The following NEMP2 variants were observed in gnomAD, a reference collection of about 807,000 sequenced individuals.
The protein encoded by NEMP2 is nuclear envelope integral membrane protein 2, also known as UPF0571 transmembrane protein.
NEMP2 carries 53 observed loss-of-function variants against 54.2 expected under a neutral mutation model. The observed-to-expected ratio is 0.98, with a 90% CI of 0.78 to 1.23. The LOEUF is 1.23. NEMP2 is among the 50% of genes most tolerant of loss of function. The pLI is 0.00. For missense variants in NEMP2, 455 were observed against 511.3 expected (o/e 0.89, Z 1.06); for synonymous variants, 197 against 190.3 (o/e 1.04, Z -0.29).
the NEMP2 span, among the ~76,000 whole-genome samples, chr2:190,429,822 T>C: frequency 6.6e-6 from 1 of 152,198 alleles, no homozygotes; most frequent in Admixed American, 6.5e-5. Flanking sequence ...CAGATACATA[T>C]ATCTGTGTAT....
the NEMP2 span, among the ~76,000 whole-genome samples, chr2:190,555,277 C>G: frequency 1.3e-5 from 2 of 152,092 alleles, no homozygotes; most frequent in Non-Finnish European, 2.9e-5. The surrounding 1 kb of genome is among the most constrained non-coding windows in gnomAD (Gnocchi z 4.8). Flanking sequence ...CAAAGGATCA[C>G]AACTCCTTGC....
chr2:190,543,344 G>T, the NEMP2 span, among the ~76,000 whole-genome samples: 1 of 152,224 alleles, frequency 6.6e-6, no homozygotes, highest in Non-Finnish European at 1.5e-5. This position sits in a 1 kb window ranked among gnomAD's most constrained non-coding sequence, Gnocchi z 4.7. Context: ...AGGTGGGATG[G>T]TTGTCCTCTC....
At chr2:190,645,261 AACAG>A in the NEMP2 span, among the ~76,000 whole-genome samples, 5 of 152,202 alleles carry the variant, frequency 3.3e-5, no homozygotes, top group Non-Finnish European at 7.4e-5. Context: ...TAAATAAAAA[AACAG>A]AATTTGATAT....
chr2:190,520,305 C>T lies in NEMP2; in HGVS notation c.214-1122G>A, dbSNP rs2125325331. On this transcript the variant is annotated intron_variant, in intron 2 of 8. Transcript: ENST00000409150. The surrounding 1 kb of genome is among the most constrained non-coding windows in gnomAD (Gnocchi z 5.4). ...TTCTCTCACCATGCCTGCTAAAGGA[C>T]CAGATCCCAACCTCAGGTCCTATTC... Among the ~76,000 whole-genome samples the T allele has an allele frequency of 6.6e-6, 1 of 152,328 alleles. No homozygotes were observed.
chr2:190,592,672 T>C, the NEMP2 span, among the ~76,000 whole-genome samples: 17 of 152,180 alleles, frequency 1.1e-4, no homozygotes, highest in Admixed American at 2.6e-4. The surrounding 1 kb of genome is among the most constrained non-coding windows in gnomAD (Gnocchi z 4.4). Context: ...GTTGTGTATG[T>C]TACCCTCCAA....
the NEMP2 span, among the ~76,000 whole-genome samples, chr2:190,496,976 A>G: frequency 6.6e-6 from 1 of 152,180 alleles, no homozygotes; most frequent in Non-Finnish European, 1.5e-5. This position sits in a 1 kb window ranked among gnomAD's most constrained non-coding sequence, Gnocchi z 4.7. Context: ...TGCTTGGGTG[A>G]TGGTTGCACC....
chr2:190,584,627 C>G, the NEMP2 span, among the ~76,000 whole-genome samples: 1 of 152,058 alleles, frequency 6.6e-6, no homozygotes, highest in African/African-American at 2.4e-5. The surrounding 1 kb of genome is among the most constrained non-coding windows in gnomAD (Gnocchi z 4.2). Flanking sequence ...AATCCCAGCA[C>G]TTTGGGAGGC....
the NEMP2 span, among the ~76,000 whole-genome samples, chr2:190,547,361 C>T: frequency 1.3e-5 from 2 of 152,158 alleles, no homozygotes; most frequent in African/African-American, 4.8e-5. The surrounding 1 kb of genome is among the most constrained non-coding windows in gnomAD (Gnocchi z 6.2). Flanking sequence ...TTATTCTAAA[C>T]TTTGACAAAT....
the NEMP2 span, among the ~76,000 whole-genome samples, chr2:190,440,865 G>A: frequency 6.6e-6 from 1 of 152,222 alleles, no homozygotes; most frequent in Admixed American, 6.5e-5. Flanking sequence ...AATACCTGAT[G>A]CAGCTAGTAA....
the NEMP2 span, among the ~76,000 whole-genome samples, chr2:190,453,523 A>G: frequency 6.6e-6 from 1 of 152,244 alleles, no homozygotes; most frequent in South Asian, 2.1e-4. Context: ...TCAAAGAAGG[A>G]ACATGCCGTT....
the NEMP2 span, among the ~76,000 whole-genome samples, chr2:190,467,301 A>G: frequency 1.3e-5 from 2 of 152,186 alleles, no homozygotes; most frequent in African/African-American, 4.8e-5. The surrounding 1 kb of genome is among the most constrained non-coding windows in gnomAD (Gnocchi z 5.5). Flanking sequence ...AACAGTTACC[A>G]TGGTAAATCT....
At chr2:190,642,386 T>A in the NEMP2 span, among the ~76,000 whole-genome samples, 3 of 152,212 alleles carry the variant, frequency 2.0e-5, no homozygotes, top group African/African-American at 7.2e-5. This position sits in a 1 kb window ranked among gnomAD's most constrained non-coding sequence, Gnocchi z 4.1. Flanking sequence ...AACTTTATAA[T>A]CCTTTATACC....
the NEMP2 span, among the ~76,000 whole-genome samples, chr2:190,487,846 A>G: frequency 6.6e-6 from 1 of 152,214 alleles, no homozygotes; most frequent in African/African-American, 2.4e-5. The surrounding 1 kb of genome is among the most constrained non-coding windows in gnomAD (Gnocchi z 5.5). Context: ...TCAAAGTGTT[A>G]AACATATAGT....
At chr2:190,564,573 C>T in the NEMP2 span, among the ~76,000 whole-genome samples, 11 of 152,308 alleles carry the variant, frequency 7.2e-5, 1 homozygote, top group South Asian at 2.3e-3. The surrounding 1 kb of genome is among the most constrained non-coding windows in gnomAD (Gnocchi z 4.2). Context: ...CTTAATGGCT[C>T]ATAGGACTTT....
the NEMP2 span, among the ~76,000 whole-genome samples, chr2:190,577,860 G>A: frequency 3.9e-5 from 6 of 152,146 alleles, no homozygotes; most frequent in Admixed American, 3.9e-4. The surrounding 1 kb of genome is among the most constrained non-coding windows in gnomAD (Gnocchi z 4.8). Context: ...GTGACAGAGT[G>A]AGACTCCATC....
chr2:190,572,873 A>ATATATATATGTATG, the NEMP2 span, among the ~76,000 whole-genome samples: 2 of 110,332 alleles, frequency 1.8e-5, no homozygotes, highest in African/African-American at 3.4e-5. Flanking sequence ...ATATATATAT[A>ATATATATATGTATG]TATGTATATA....
At chr2:190,552,217 T>C in the NEMP2 span, among the ~76,000 whole-genome samples, 1 of 152,206 alleles carries the variant, frequency 6.6e-6, no homozygotes, top group South Asian at 2.1e-4. Flanking sequence ...CTTCCCCCCT[T>C]GCTTCCTCCT....
chr2:190,432,721 T>C, the NEMP2 span, among the ~76,000 whole-genome samples: 134,816 of 152,092 alleles, frequency 0.89, 60,205 homozygotes, highest in East Asian at 1. Flanking sequence ...CTGGCCAAAA[T>C]CTCTGTGTTT....
chr2:190,441,142 T>C, the NEMP2 span, among the ~76,000 whole-genome samples: 1 of 152,186 alleles, frequency 6.6e-6, no homozygotes, highest in Non-Finnish European at 1.5e-5. Flanking sequence ...CATCTCTTTG[T>C]GCCATCTTTG....
Sources: allele counts gnomAD v4.1 joint callset (sites outside exome capture counted in the v4.1 genomes callset), GRCh38; gene constraint gnomAD v4.1.1; non-coding constraint Gnocchi (gnomAD v3.1); transcripts MANE v1.5; gene names NCBI Gene and HGNC (gene_info 2026-07-23, HGNC 2026-07-21).